STAU2: variants seen among roughly 807,000 people sequenced by gnomAD.
The protein encoded by STAU2 is double-stranded RNA-binding protein Staufen homolog 2.
A neutral mutation model predicts 65.9 loss-of-function variants in STAU2; 20 were observed. The ratio of observed to expected loss-of-function variants is 0.30; its 90% CI spans 0.21 to 0.44. STAU2 has a LOEUF of 0.44. Ranked by LOEUF, STAU2 falls within the 20% of genes least tolerant of loss-of-function variation. The pLI is 1.00. For synonymous variants in STAU2, 232 were observed against 233.9 expected, an observed-to-expected ratio of 0.99 and a Z score of 0.07; for missense variants, 558 against 683.9, an observed-to-expected ratio of 0.82 and a Z score of 2.05.
At chr8:73,620,426 T>C (rs576692184) in intron 6 of STAU2, among the ~76,000 whole-genome samples, 22 of 152,346 alleles carry the variant, frequency 1.4e-4, no homozygotes, top group African/African-American at 5.1e-4. Context: ...TAAGGCCTGC[T>C]GACAATTACA....
intron 3 of STAU2, among the ~76,000 whole-genome samples, chr8:73,716,973 C>A (rs142639441): frequency 2.6e-5 from 4 of 151,988 alleles, no homozygotes; most frequent in Admixed American, 2.6e-4. Flanking sequence ...CGGTAGTGTG[C>A]GCCTGTGATC....
chr8:73,677,119 T>C (rs1818079731), intron 5 of STAU2, among the ~76,000 whole-genome samples: 1 of 152,162 alleles, frequency 6.6e-6, no homozygotes, highest in Admixed American at 6.5e-5. Context: ...AACAGGCATA[T>C]GGAAAGATGC....
chr8:73,698,396 G>T (rs564846540), intron 4 of STAU2, among the ~76,000 whole-genome samples: 17 of 151,954 alleles, frequency 1.1e-4, no homozygotes, highest in Non-Finnish European at 2.2e-4. Context: ...AAGATCCAAT[G>T]ATCTAAACAC....
intron 13 of STAU2, among the ~76,000 whole-genome samples, chr8:73,503,562 CTT>C (rs34906276): frequency 6.8e-6 from 1 of 146,550 alleles, no homozygotes; most frequent in African/African-American, 2.5e-5. Context: ...TCCAACAGCA[CTT>C]TTTTTTTTTT....
chr8:73,704,743 A>G (rs1395506359), intron 4 of STAU2, among the ~76,000 whole-genome samples: 3 of 152,134 alleles, frequency 2.0e-5, no homozygotes, highest in Non-Finnish European at 2.9e-5. Context: ...ATCTCAGCTC[A>G]CGGCAACCTC....
In STAU2 at chr8:73,632,369, GTA is replaced by G. The variant is rs1448358853; in HGVS notation, c.411-14920_411-14919del. On this transcript the variant is annotated intron_variant, in intron 6 of 14. Coordinates refer to ENST00000524300, the MANE Select transcript of STAU2 (RefSeq NM_001164380.2). ...AACCAATAAGTCATTCAAACCCAGT[GTA>G]TATAAGGTTCCTTAAGTATTTGAGG... Among the ~76,000 whole-genome samples the G allele has an allele frequency of 6.6e-5, 10 of 152,156 alleles. No individual in the cohort carries two copies. The East Asian group carries it at 1.7e-3, about 26-fold the overall frequency.
intron 6 of STAU2, among the ~76,000 whole-genome samples, chr8:73,620,156 T>C (rs1478109431): frequency 1.3e-5 from 2 of 152,178 alleles, no homozygotes; most frequent in African/African-American, 2.4e-5. Context: ...ACGCCGGTCA[T>C]CTTCACTTCA....
chr8:73,620,089 A>AATG (rs1813117731), intron 6 of STAU2, among the ~76,000 whole-genome samples: 1 of 152,208 alleles, frequency 6.6e-6, no homozygotes, highest in Non-Finnish European at 1.5e-5. Context: ...TAATCCCTTT[A>AATG]ATGCAGAAAT....
chr8:73,697,062 G>C (rs974560030), intron 4 of STAU2, among the ~76,000 whole-genome samples: 1 of 152,020 alleles, frequency 6.6e-6, no homozygotes, highest in Non-Finnish European at 1.5e-5. Context: ...GTTTTGTTTT[G>C]TTTTGTTTTG....
In STAU2 at chr8:73,695,434, C is replaced by A. The variant is rs1819633624; in HGVS notation, c.115-6621G>T. On this transcript the variant is annotated intron_variant, in intron 4 of 14. Coordinates refer to ENST00000524300, the MANE Select transcript of STAU2 (RefSeq NM_001164380.2). ...GATTCATTACCTGCTGACCAAAGAACCAATGGGTCCTGAATAATCACCACT... is the reference window on the plus strand; with the variant it reads ...GATTCATTACCTGCTGACCAAAGAAACAATGGGTCCTGAATAATCACCACT... 2.3e-5 allele frequency among the ~76,000 whole-genome samples: 3 copies of A among 131,506 alleles called. No individual in the cohort carries two copies. The South Asian group carries it at 7.6e-4, about 33-fold the overall frequency. 86.3% of individuals were successfully genotyped at this position (131,506 alleles called of 152,430 possible).
chr8:73,638,425 T>C (rs967314983), intron 6 of STAU2, among the ~76,000 whole-genome samples: 3 of 151,802 alleles, frequency 2.0e-5, no homozygotes, highest in Non-Finnish European at 2.9e-5. Flanking sequence ...AAAACACTTA[T>C]TTTTTTAAAT....
At chr8:73,474,169 C>A (rs1043548479) in intron 13 of STAU2, among the ~76,000 whole-genome samples, 14 of 152,226 alleles carry the variant, frequency 9.2e-5, no homozygotes, top group African/African-American at 3.4e-4. Flanking sequence ...AACAAAAAAA[C>A]CCACAAAACC....
At chr8:73,463,070 C>G (rs1201477690) in intron 13 of STAU2, among the ~76,000 whole-genome samples, 2 of 152,198 alleles carry the variant, frequency 1.3e-5, no homozygotes, top group Non-Finnish European at 2.9e-5. Flanking sequence ...AGTGGAGAAG[C>G]AGAATCTGGT....
At chr8:73,662,741 T>G (rs1020734977) in intron 6 of STAU2, among the ~76,000 whole-genome samples, 1 of 152,046 alleles carries the variant, frequency 6.6e-6, no homozygotes, top group Non-Finnish European at 1.5e-5. Flanking sequence ...CTCAGCCTCC[T>G]GAGTAGCTGG....
At chr8:73,706,363 C>T (rs373877813) in intron 4 of STAU2, among the ~76,000 whole-genome samples, 2 of 152,196 alleles carry the variant, frequency 1.3e-5, no homozygotes, top group East Asian at 3.9e-4. Flanking sequence ...GTGATCCTCC[C>T]GCCTCGGCCT....
At chr8:73,662,829 T>C (rs1816934371) in intron 6 of STAU2, among the ~76,000 whole-genome samples, 2 of 152,126 alleles carry the variant, frequency 1.3e-5, no homozygotes, top group Non-Finnish European at 2.9e-5. Flanking sequence ...TTGGTCAGGC[T>C]GGTCTCGAAC....
rs1806928039 is a variant in STAU2 at position 73,742,117 on chromosome 8, G to T, written c.-196-2249C>A. 10 of 721,876 alleles carry T rather than the reference G, an allele frequency of 1.4e-5. No individual in the cohort carries two copies. The South Asian group carries it at 5.6e-4, about 40-fold the overall frequency. 44.7% of individuals were successfully genotyped at this position (721,876 alleles called of 1,614,324 possible). On this transcript the variant is annotated intron_variant, in intron 1 of 14. Transcript: ENST00000524300. ...AATGTTCACAGTGGCACGTCTTTAA[G>T]ACTCTGTTTCTACTTTAAAGACACG...
chr8:73,707,689 G>T (rs1004199309), intron 4 of STAU2, among the ~76,000 whole-genome samples: 1 of 152,098 alleles, frequency 6.6e-6, no homozygotes, highest in South Asian at 2.1e-4. Flanking sequence ...GGAGCAAAGA[G>T]TATATACTAC....
At chr8:73,577,873 T>C (rs961477945) in intron 12 of STAU2, among the ~76,000 whole-genome samples, 2 of 152,224 alleles carry the variant, frequency 1.3e-5, no homozygotes, top group Admixed American at 1.3e-4. Flanking sequence ...CTTAAGACCT[T>C]TGGCCATTGG....
Sources: allele counts gnomAD v4.1 joint callset (sites outside exome capture counted in the v4.1 genomes callset), GRCh38; gene constraint gnomAD v4.1.1; transcripts MANE v1.5; gene names NCBI Gene and HGNC (gene_info 2026-07-23, HGNC 2026-07-21).